The following EML1 variants were observed in gnomAD, a reference collection of about 807,000 sequenced individuals.
The protein encoded by EML1 is EMAP like 1.
A neutral mutation model predicts 110.4 loss-of-function variants in EML1; 27 were observed. The observed-to-expected ratio is 0.24, with a 90% confidence interval of 0.18 to 0.34. The LOEUF is 0.34. EML1 is among the 10% of genes least tolerant of loss of function. The pLI, the probability that EML1 is intolerant of heterozygous loss-of-function variation, is 1.00. For missense variants in EML1, 741 were observed against 1,030.9 expected (o/e 0.72, Z 3.85); for synonymous variants, 344 against 385.8 (o/e 0.89, Z 1.27).
At chr14:99,824,993 T>C (rs114613610) in intron 1 of EML1, among the ~76,000 whole-genome samples, 1,696 of 152,306 alleles carry the variant, frequency 0.011, 38 homozygotes, top group African/African-American at 0.035. Context: ...GGGTCATTTT[T>C]ATTTTTTTGA....
chr14:99,818,210 A>T (rs2058201735), intron 1 of EML1, among the ~76,000 whole-genome samples: 1 of 152,126 alleles, frequency 6.6e-6, no homozygotes, highest in Non-Finnish European at 1.5e-5. Context: ...CAGGGATGTG[A>T]GGTGATCAAA....
Position 99,917,855 on chromosome 14 carries a change from T to A in EML1, c.1820+6T>A. 6.2e-7 allele frequency: 1 copy of A among 1,614,150 alleles called. No homozygotes were observed. Among genetic ancestry groups the A allele is most frequent in the Non-Finnish European group, 8.5e-7 (1 of 1,179,994 alleles). ...GTCGGAACACTCACTGGGAGGTAAGTCCATGCCAACAGCGCTTGTGCTTGC... is the reference window on the plus strand; with the variant it reads ...GTCGGAACACTCACTGGGAGGTAAGACCATGCCAACAGCGCTTGTGCTTGC... On this transcript the variant is annotated splice_donor_region_variant and intron_variant, in intron 16 of 21. Coordinates refer to ENST00000262233, the MANE Select transcript of EML1 (RefSeq NM_004434.3).
At chr14:99,903,131 C>A (rs1203198048) in intron 9 of EML1, among the ~76,000 whole-genome samples, 1 of 152,152 alleles carries the variant, frequency 6.6e-6, no homozygotes, top group Non-Finnish European at 1.5e-5. Context: ...TAGCAGTATA[C>A]TTTACTTAAT....
At chr14:99,856,544 C>A (rs886930420) in intron 2 of EML1, among the ~76,000 whole-genome samples, 3 of 152,156 alleles carry the variant, frequency 2.0e-5, no homozygotes, top group African/African-American at 7.2e-5. Flanking sequence ...GTGGCTTTTG[C>A]TTTTTCTCTT....
At chr14:99,874,309 CAG>C (rs746964770) in intron 3 of EML1, among the ~76,000 whole-genome samples, 8 of 152,156 alleles carry the variant, frequency 5.3e-5, no homozygotes, top group Non-Finnish European at 2.9e-5. Context: ...GGTGTGCGGA[CAG>C]AGAGCAGAAG....
intron 1 of EML1, among the ~76,000 whole-genome samples, 195 bp downstream of exon 1, chr14:99,793,738 C>G (rs1345267102): frequency 2.0e-5 from 3 of 146,720 alleles, no homozygotes; most frequent in Non-Finnish European, 4.5e-5. Context: ...CCGCGCCTCG[C>G]TCCGGGCCGC....
chr14:99,859,137 T>C (rs919502776), intron 2 of EML1, among the ~76,000 whole-genome samples: 3 of 152,208 alleles, frequency 2.0e-5, no homozygotes, highest in Non-Finnish European at 4.4e-5. Flanking sequence ...GTTATTCTAA[T>C]TCAACCATTT....
chr14:99,921,646 C>T (rs1248437235), intron 17 of EML1, among the ~76,000 whole-genome samples: 4 of 152,144 alleles, frequency 2.6e-5, no homozygotes, highest in East Asian at 1.9e-4. Context: ...ACCCACCACC[C>T]GCCTCCCATA....
chr14:99,882,951 T>C (rs2059412615), intron 4 of EML1, among the ~76,000 whole-genome samples: 2 of 152,208 alleles, frequency 1.3e-5, no homozygotes, highest in African/African-American at 2.4e-5. Context: ...CGAGAACCAC[T>C]GGGCTGGACA....
chr14:99,738,017 G>A (rs535063313), intron 1 of EML1, among the ~76,000 whole-genome samples: 19 of 152,224 alleles, frequency 1.2e-4, no homozygotes, highest in Admixed American at 1.1e-3. Flanking sequence ...CCGCTGGAAG[G>A]GGGGAGCTTG....
rs540252829 is a variant in EML1, at chr14:99,757,077, C to T, written c.28+19217C>T. Among the ~76,000 whole-genome samples, 166 of 152,348 alleles carry T rather than the reference C, an allele frequency of 1.1e-3. 1 individual carries two copies. Among genetic ancestry groups the T allele is most frequent in the Non-Finnish European group, 1.1e-3 (76 of 68,038 alleles). On this transcript the variant is annotated intron_variant, in intron 1 of 10. Transcript: ENST00000554479. ...CATTAAGGCTGGGCATGGCGGCTCA[C>T]GCCTGTCATCCAAGCACTTTGCGAG...
At chr14:99,935,031 G>A (rs1209571106) in intron 17 of EML1, among the ~76,000 whole-genome samples, 5 of 152,200 alleles carry the variant, frequency 3.3e-5, no homozygotes, top group Admixed American at 1.3e-4. Flanking sequence ...AGCAGTGAGT[G>A]CAGAGGCCTG....
At chr14:99,922,751 AT>A (rs1283675861) in intron 17 of EML1, among the ~76,000 whole-genome samples, 2 of 152,132 alleles carry the variant, frequency 1.3e-5, no homozygotes, top group South Asian at 2.1e-4. Flanking sequence ...GATATTGAGC[AT>A]TTTTTAATGT....
chr14:99,770,069 G>T (rs2057407031), upstream of EML1, among the ~76,000 whole-genome samples: 1 of 152,012 alleles, frequency 6.6e-6, no homozygotes, highest in Admixed American at 6.5e-5. Context: ...CTTAACCTTT[G>T]TACCATTCCC....
intron 1 of EML1, among the ~76,000 whole-genome samples, chr14:99,823,552 T>C (rs1278084158): frequency 1.3e-5 from 2 of 152,130 alleles, no homozygotes; most frequent in Non-Finnish European, 2.9e-5. Flanking sequence ...AACCAATGTC[T>C]GGTTAGAGCC....
intron 17 of EML1, 34 bp from the exon 18 acceptor site, chr14:99,935,995 A>G (rs1302131911): frequency 6.3e-7 from 1 of 1,598,544 alleles, no homozygotes; most frequent in Non-Finnish European, 8.6e-7. Context: ...GTGTATTGTT[A>G]ACATCTGAAA....
chr14:99,757,303 C>T (rs761639032), intron 1 of EML1, among the ~76,000 whole-genome samples: 11 of 150,734 alleles, frequency 7.3e-5, no homozygotes, highest in Non-Finnish European at 1.6e-4. Context: ...CGCGCCATTG[C>T]ACTCCAGCCT....
intron 1 of EML1, among the ~76,000 whole-genome samples, chr14:99,817,854 AAGGGAT>A (rs1163526109): frequency 6.6e-6 from 1 of 152,144 alleles, no homozygotes; most frequent in Non-Finnish European, 1.5e-5. Context: ...CAGTAAGCAG[AAGGGAT>A]GCTCTGCTAG....
chr14:99,910,757 G>A (rs561887450), intron 12 of EML1, among the ~76,000 whole-genome samples: 63 of 152,218 alleles, frequency 4.1e-4, no homozygotes, highest in Middle Eastern at 3.4e-3. Flanking sequence ...ACATACAACT[G>A]AGTCAGACCC....
Sources: gnomAD v4.1 joint callset for allele counts (sites outside exome capture counted in the v4.1 genomes callset) on GRCh38, gnomAD v4.1.1 for gene constraint, MANE v1.5 for transcripts, NCBI Gene and HGNC (gene_info 2026-07-23, HGNC 2026-07-21) for gene names.